The following PRKN variants were observed in gnomAD, a reference collection of about 807,000 sequenced individuals.
PRKN encodes the protein parkin RBR E3 ubiquitin protein ligase, also known as E3 ubiquitin-protein ligase parkin.
In PRKN, 56 loss-of-function variants were observed where a neutral mutation model predicts 59.5. That is an observed-to-expected ratio of 0.94 (90% CI 0.76 to 1.18). The LOEUF (loss-of-function observed/expected upper bound fraction) is 1.18, where lower values mean the gene tolerates loss of function less well. Ranked by LOEUF, PRKN falls within the 50% of genes most tolerant of loss-of-function variation. PRKN has a pLI of 0.00. For synonymous variants in PRKN, 250 were observed against 222.1 expected (o/e 1.13, Z -1.12); for missense variants, 657 against 596.4 (o/e 1.10, Z -1.06).
intron 4 of PRKN, among the ~76,000 whole-genome samples, chr6:162,123,187 A>C (rs2128306000): frequency 6.6e-6 from 1 of 152,216 alleles, no homozygotes; most frequent in African/African-American, 2.4e-5. Flanking sequence ...TTACAGGGGA[A>C]TTCCTGTGGC....
At chr6:162,670,373 C>T (rs890141676) in intron 1 of PRKN, among the ~76,000 whole-genome samples, 4 of 152,216 alleles carry the variant, frequency 2.6e-5, no homozygotes, top group Non-Finnish European at 5.9e-5. Context: ...GGCATTCAGA[C>T]CCTTCACTGG....
chr6:162,436,492 A>G (rs1789778003), intron 2 of PRKN, among the ~76,000 whole-genome samples: 1 of 151,668 alleles, frequency 6.6e-6, no homozygotes. Flanking sequence ...TTGTATTTTT[A>G]GTAGAGACGG....
chr6:161,778,408 CTT>C (rs970433389), intron 7 of PRKN, among the ~76,000 whole-genome samples: 2 of 152,148 alleles, frequency 1.3e-5, no homozygotes, highest in Admixed American at 1.3e-4. Context: ...TAGATAGAAA[CTT>C]TATCATTGAA....
At chr6:161,696,048 T>C (rs551656082) in intron 7 of PRKN, among the ~76,000 whole-genome samples, 3 of 152,142 alleles carry the variant, frequency 2.0e-5, no homozygotes, top group African/African-American at 4.8e-5. Context: ...AAGCATTACA[T>C]ACATCTCTCC....
rs117601663 is a variant in PRKN, at chr6:161,719,703, T to G, written c.871+66069A>C. On this transcript the variant is annotated intron_variant, in intron 7 of 11. Coordinates refer to ENST00000366898, the MANE Select transcript of PRKN (RefSeq NM_004562.3). ...CTCATGTAATACTGCCTGATGACCCTTGCTAATCCAACTCCTGCGTTCAAG... is the reference window on the plus strand; with the variant it reads ...CTCATGTAATACTGCCTGATGACCCGTGCTAATCCAACTCCTGCGTTCAAG... Among the ~76,000 whole-genome samples, 882 of 152,352 alleles carry G rather than the reference T, an allele frequency of 5.8e-3. 2 individuals carry two copies. The highest frequency in any genetic ancestry group is 0.012 in the South Asian group (58 of 4,826).
At position 161,746,586 on chromosome 6, in the gene PRKN, T is replaced by C. The variant is rs939044740; in HGVS notation, c.871+39186A>G. 7.5e-4 allele frequency among the ~76,000 whole-genome samples: 110 copies of C among 146,070 alleles called. No individual in the cohort carries two copies. In the Middle Eastern group the frequency reaches 0.011, roughly 14 times the overall value. ...ATATATATATTTATATATATATATATACACACACACATTATACACACACAT... is the reference window on the plus strand; with the variant it reads ...ATATATATATTTATATATATATATACACACACACACATTATACACACACAT... On this transcript the variant is annotated intron_variant, in intron 7 of 11. Transcript: ENST00000366898.
intron 1 of PRKN, among the ~76,000 whole-genome samples, chr6:162,673,735 C>CAGGAAGGAAGATGG (rs1779427890): frequency 1.3e-5 from 2 of 152,064 alleles, no homozygotes; most frequent in African/African-American, 4.8e-5. Context: ...CCAAAACATC[C>CAGGAAGGAAGATGG]AAACCATACA....
rs1354152609 is a variant in PRKN, at chr6:161,463,057, GA to G, written c.1084-76181del. Among the ~76,000 whole-genome samples the G allele has an allele frequency of 6.6e-6, 1 of 152,200 alleles. No homozygotes were observed. The highest frequency in any genetic ancestry group is 2.4e-5 in the African/African-American group (1 of 41,446). On this transcript the variant is annotated intron_variant, in intron 9 of 11. Coordinates refer to ENST00000366898, the MANE Select transcript of PRKN (RefSeq NM_004562.3). This position sits in a 1 kb window ranked among gnomAD's most constrained non-coding sequence, Gnocchi z 4.8. ...AATACTTACATAAATACTAAATAGA[GA>G]AAAAACTACCTAATGAGAATTATGG...
At position 161,440,903 on chromosome 6, in the gene PRKN, G is replaced by A. The variant is rs1263002301; in HGVS notation, c.1084-54026C>T. 6.6e-6 allele frequency among the ~76,000 whole-genome samples: 1 copy of A among 152,146 alleles called. No individual in the cohort carries two copies. Among genetic ancestry groups the A allele is most frequent in the East Asian group, 1.9e-4 (1 of 5,188 alleles). ...TAATGTGATAAGAGGCTGAACTGAA[G>A]GTGTCCCTAGAAAATTTAAGACTAA... On this transcript the variant is annotated intron_variant, in intron 9 of 11. Transcript: ENST00000366898. The surrounding 1 kb of genome is among the most constrained non-coding windows in gnomAD (Gnocchi z 4.1).
rs1230109884 is a variant in PRKN at position 161,593,533 on chromosome 6, G to C, written c.872-24117C>G. 6.6e-6 allele frequency among the ~76,000 whole-genome samples: 1 copy of C among 152,184 alleles called. No individual in the cohort carries two copies. The highest frequency in any genetic ancestry group is 6.5e-5 in the Admixed American group (1 of 15,284). On this transcript the variant is annotated intron_variant, in intron 7 of 11. Transcript: ENST00000366898. This position sits in a 1 kb window ranked among gnomAD's most constrained non-coding sequence, Gnocchi z 4.8. ...GGTCAGCAGTGCAGCGGTCAGGTGG[G>C]AGGTGATGGCACCTGGGGGCTGGAA...
At chr6:161,648,352 C>T (rs966217399) in intron 7 of PRKN, among the ~76,000 whole-genome samples, 1 of 152,098 alleles carries the variant, frequency 6.6e-6, no homozygotes, top group African/African-American at 2.4e-5. Flanking sequence ...CCCTTCTGCC[C>T]ATTATCCCAG....
chr6:162,276,705 G>C (rs12154099), intron 2 of PRKN, among the ~76,000 whole-genome samples: 690 of 135,650 alleles, frequency 5.1e-3, no homozygotes, highest in East Asian at 0.011. Flanking sequence ...GTGTGTGTGT[G>C]TCTGTGTGTG....
At chr6:162,196,863 T>C (rs193022052) in intron 4 of PRKN, among the ~76,000 whole-genome samples, 20 of 152,262 alleles carry the variant, frequency 1.3e-4, no homozygotes, top group Admixed American at 4.6e-4. Flanking sequence ...CAGGAAATGT[T>C]AGAATTAAGA....
At chr6:161,938,042 G>T (rs1779420348) in intron 6 of PRKN, among the ~76,000 whole-genome samples, 1 of 152,068 alleles carries the variant, frequency 6.6e-6, no homozygotes, top group Admixed American at 6.6e-5. Flanking sequence ...GACAACCTAG[G>T]TCAATATAAA....
At chr6:161,690,102 C>A (rs1785723851) in intron 7 of PRKN, among the ~76,000 whole-genome samples, 1 of 152,154 alleles carries the variant, frequency 6.6e-6, no homozygotes. Flanking sequence ...CTTCCCCATG[C>A]CACCAGTGAT....
intron 4 of PRKN, among the ~76,000 whole-genome samples, chr6:162,097,867 C>T (rs1297000641): frequency 1.3e-5 from 2 of 152,180 alleles, no homozygotes; most frequent in African/African-American, 4.8e-5. Flanking sequence ...CGAAAAGCTT[C>T]CAATGGTACT....
At chr6:162,151,290 C>T (rs1054380046) in intron 4 of PRKN, among the ~76,000 whole-genome samples, 18 of 152,188 alleles carry the variant, frequency 1.2e-4, no homozygotes, top group African/African-American at 4.1e-4. Flanking sequence ...CTCCATCAGA[C>T]AAACAGGTGC....
At chr6:161,799,377 G>T (rs1790986431) in intron 6 of PRKN, among the ~76,000 whole-genome samples, 1 of 152,186 alleles carries the variant, frequency 6.6e-6, no homozygotes, top group South Asian at 2.1e-4. Context: ...GCAGTGTCCA[G>T]AGGTCTGCAG....
At chr6:162,340,339 C>T (rs1253300813) in intron 2 of PRKN, among the ~76,000 whole-genome samples, 1 of 152,072 alleles carries the variant, frequency 6.6e-6, no homozygotes, top group East Asian at 1.9e-4. Flanking sequence ...AAGTTTAATT[C>T]ATTGTTCTGA....
Sources: allele counts gnomAD v4.1 joint callset (sites outside exome capture counted in the v4.1 genomes callset), GRCh38; gene constraint gnomAD v4.1.1; non-coding constraint Gnocchi (gnomAD v3.1); transcripts MANE v1.5; gene names NCBI Gene and HGNC (gene_info 2026-07-23, HGNC 2026-07-21).